The following PRX variants were observed in gnomAD, a reference collection of about 807,000 sequenced individuals.
PRX encodes the protein periaxin.
Under a neutral mutation model 29.6 loss-of-function variants are expected in PRX, and 24 were observed. The observed-to-expected ratio is 0.81, with a 90% CI of 0.59 to 1.14. PRX has a LOEUF of 1.14. Among genes scored for constraint, PRX ranks in the 50% most tolerant of loss-of-function variants. The pLI, the probability that PRX is intolerant of heterozygous loss-of-function variation, is 0.00. For missense variants in PRX, 1,838 were observed against 1,926.4 expected (o/e 0.95, Z 0.86); for synonymous variants, 772 against 831.7 (o/e 0.93, Z 1.24).
chr19:40,414,605 T>C (rs1039594288), upstream of PRX, among the ~76,000 whole-genome samples: 8 of 151,734 alleles, frequency 5.3e-5, no homozygotes, highest in African/African-American at 1.9e-4. Context: ...GGGTCCAGAG[T>C]TGAACCCAGA....
At chr19:40,411,274 A>C (rs2079557470) in intron 1 of PRX, among the ~76,000 whole-genome samples, 1 of 152,138 alleles carries the variant, frequency 6.6e-6, no homozygotes. Context: ...TGGACCGGGC[A>C]GGCGCTTTAC....
chr19:40,399,870 T>TCTTTCTTTC (rs2079477752), intron 5 of PRX, among the ~76,000 whole-genome samples: 1 of 65,830 alleles, frequency 1.5e-5, no homozygotes, highest in South Asian at 4.3e-4. Flanking sequence ...TTTCTTTCTT[T>TCTTTCTTTC]CTTTCTTTCT....
rs560245248 is a variant in PRX at position 40,407,538 on chromosome 19, C to T, written c.27+368G>A. ...CTTGTCTCAAACTCCTAGGCTTTAG[C>T]GATCCTCCTGCCTCGGCCTCCCAAA... is the stretch of plus-strand genomic sequence containing the variant. On this transcript the variant is annotated intron_variant, in intron 4 of 6. Transcript: ENST00000324001. 16 of 378,660 alleles carry T rather than the reference C, an allele frequency of 4.2e-5. No homozygotes were observed. In the East Asian group the frequency reaches 6.4e-4, roughly 15 times the overall value. The allele number at this position is 378,660 out of a possible 1,614,324, so 23.5% of individuals were successfully genotyped here.
intron 4 of PRX, among the ~76,000 whole-genome samples, chr19:40,404,936 CAA>C (rs2079521891): frequency 6.6e-6 from 1 of 152,044 alleles, no homozygotes; most frequent in African/African-American, 2.4e-5. Context: ...TACAGCAGAA[CAA>C]GAGAATAGTT....
chr19:40,404,801 T>C (rs1441814666), intron 4 of PRX, among the ~76,000 whole-genome samples: 1 of 152,078 alleles, frequency 6.6e-6, no homozygotes, highest in Middle Eastern at 3.2e-3. Flanking sequence ...CTCAAACTCC[T>C]GGCCTCAAGA....
Position 40,395,382 on chromosome 19 carries a change from A to G in PRX, c.2970T>C (p.Asp990=), listed in dbSNP as rs1404529824. 6.2e-7 allele frequency: 1 copy of G among 1,613,580 alleles called. No individual in the cohort carries two copies. The highest frequency in any genetic ancestry group is 8.5e-7 in the Non-Finnish European group (1 of 1,180,004). ...AGEAGLLPAL[D]LSIPQLSLDA... Reference sequence around the variant, plus strand: ...CCAGGCTGAGCTGTGGGATGGACAGATCGAGGGCAGGCAGCAGGCCTGCCT... The same window carrying G: ...CCAGGCTGAGCTGTGGGATGGACAGGTCGAGGGCAGGCAGCAGGCCTGCCT... Residue 990 remains aspartate, a synonymous_variant, in exon 7 of 7, where the codon GAT becomes GAC. Transcript: ENST00000324001.
rs2079433906 is a variant in PRX at position 40,396,200 on chromosome 19, T to C, written c.2152A>G (p.Lys718Glu). ...EVQLPKVCEM[K>E]VPDMKLPEIK... The stretch of plus-strand genomic sequence containing the variant: ...TCTGGGAGCTTCATGTCAGGGACTT[T>C]CATTTCACAGACTTTGGGCAGCTGC... The change falls in exon 7 of 7, where the codon AAA (lysine) becomes GAA (glutamate). Residue 718 changes from lysine to glutamate, a missense_variant. Around this residue, in one of 3 missense-constraint regions of PRX, gnomAD observed 1,143 missense variants for 1,193.0 expected, o/e 0.96. Coordinates refer to ENST00000324001, the MANE Select transcript of PRX (RefSeq NM_181882.3). 1 of 1,609,160 alleles carries C rather than the reference T, an allele frequency of 6.2e-7. No homozygotes were observed. Among genetic ancestry groups the C allele is most frequent in the Admixed American group, 1.7e-5 (1 of 59,590 alleles).
At chr19:40,407,469 A>AT (rs955304547) in intron 4 of PRX, 246 of 225,788 alleles carry the variant, frequency 1.1e-3, no homozygotes, top group South Asian at 2.7e-3. Context: ...AACCCGGCTC[A>AT]TTTTTTTTTC....
At position 40,394,680 on chromosome 19, in the gene PRX, G is replaced by A. The variant is rs372995052; in HGVS notation, c.3672C>T (p.Asp1224=). The A allele has an allele frequency of 2.5e-5, 41 of 1,609,670 alleles. No homozygotes were observed. Among genetic ancestry groups the A allele is most frequent in the Middle Eastern group, 1.6e-4 (1 of 6,084 alleles). Residue 1224 remains aspartate, a synonymous_variant, in exon 7 of 7, where the codon GAC becomes GAT. Coordinates refer to ENST00000324001, the MANE Select transcript of PRX (RefSeq NM_181882.3). The surrounding 1 kb of genome is among the most constrained non-coding windows in gnomAD (Gnocchi z 5.8). ...CCTGTGCCTCTCGGCTTAGCCCCAC[G>A]TCCAGCTCAAGCTGGGGCACTGTCA... ...PTVTVPQLEL[D]VGLSREAQAG...
At chr19:40,400,051 T>C (rs554567078) in intron 5 of PRX, among the ~76,000 whole-genome samples, 5 of 150,544 alleles carry the variant, frequency 3.3e-5, no homozygotes, top group East Asian at 2.0e-4. Context: ...GGCGCGATCT[T>C]GGCTCACTGC....
At chr19:40,399,881 T>TTCTTTCTTTC (rs1555801731) in intron 5 of PRX, among the ~76,000 whole-genome samples, 9 of 67,834 alleles carry the variant, frequency 1.3e-4, no homozygotes, top group Admixed American at 1.1e-3. Flanking sequence ...CTTTCTTTCT[T>TTCTTTCTTTC]TCTTTCTTTC....
At chr19:40,412,614 C>T (rs893750659) in intron 1 of PRX, among the ~76,000 whole-genome samples, 17 of 152,172 alleles carry the variant, frequency 1.1e-4, no homozygotes, top group Admixed American at 9.2e-4. Context: ...GGCTGAGAGA[C>T]AAAACCCAGC....
chr19:40,395,409 C>T lies in PRX; in HGVS notation c.2943G>A (p.Gly981=), dbSNP rs142228732. Reference sequence around the variant, plus strand: ...CGAGGGCAGGCAGCAGGCCTGCCTCCCCAGCCCCTTTGGCCTCAGCCTCAG... The same window carrying T: ...CGAGGGCAGGCAGCAGGCCTGCCTCTCCAGCCCCTTTGGCCTCAGCCTCAG... The part of the protein sequence containing the change: ...VGAEAEAKGA[G]EAGLLPALDL... Residue 981 remains glycine, a synonymous_variant, in exon 7 of 7, where the codon GGG becomes GGA. Coordinates refer to ENST00000324001, the MANE Select transcript of PRX (RefSeq NM_181882.3). 36 of 1,614,044 alleles carry T rather than the reference C, an allele frequency of 2.2e-5. No homozygotes were observed. The African/African-American group carries it at 2.7e-4, about 12-fold the overall frequency.
chr19:40,402,936 G>A (rs1329802118), intron 5 of PRX, among the ~76,000 whole-genome samples: 1 of 152,150 alleles, frequency 6.6e-6, no homozygotes, highest in African/African-American at 2.4e-5. Flanking sequence ...TTGGGAGACT[G>A]AGGCGGATGG....
chr19:40,394,499 C>T lies in PRX; in HGVS notation c.3853G>A (p.Gly1285Arg), dbSNP rs374370759. The change falls in exon 7 of 7, where the codon GGG becomes AGG. Residue 1285 changes from glycine to arginine, a missense_variant. Gly to Arg is a moderately radical substitution (Grantham distance 125). This residue lies in a region of PRX where 1,143 missense variants were observed against 1,193.0 expected (regional missense o/e 0.96). Transcript: ENST00000324001. This position sits in a 1 kb window ranked among gnomAD's most constrained non-coding sequence, Gnocchi z 5.8. ...SLPDVELSPS[G>R]GNHAEYQVAE... ...ACCTGGTACTCGGCATGGTTGCCCC[C>T]GGATGGCGAGAGCTCCACGTCGGGC... 2.8e-5 allele frequency: 44 copies of T among 1,599,056 alleles called. No individual in the cohort carries two copies. Among genetic ancestry groups the T allele is most frequent in the Middle Eastern group, 3.3e-4 (2 of 6,062 alleles).
At chr19:40,407,108 A>G (rs1341111103) in intron 4 of PRX, among the ~76,000 whole-genome samples, 2 of 151,774 alleles carry the variant, frequency 1.3e-5, no homozygotes, top group Admixed American at 6.6e-5. Flanking sequence ...ACTGAGGCTG[A>G]AAGAGGTGAG....
intron 5 of PRX, 38 bp downstream of exon 5, chr19:40,403,668 C>T: frequency 6.6e-7 from 1 of 1,525,230 alleles, no homozygotes; most frequent in Non-Finnish European, 8.8e-7. Context: ...ACCCCGCCCC[C>T]GCAGTTCGAC....
At position 40,398,672 on chromosome 19, in the gene PRX, C is replaced by T. The variant is rs1309370142; in HGVS notation, c.329G>A (p.Gly110Glu). The T allele has an allele frequency of 4.3e-6, 7 of 1,613,884 alleles. No individual in the cohort carries two copies. The Admixed American group carries it at 1.2e-4, about 27-fold the overall frequency. The part of the protein sequence containing the change: ...VPTGDLALRP[G>E]TVSGYEIKGP... The stretch of plus-strand genomic sequence containing the variant: ...CTTGATCTCGTAGCCAGACACGGTC[C>T]CGGGCCGCAGAGCCAGGTCCCCGGT... The change falls in exon 6 of 7, where the codon GGG becomes GAG. Residue 110 changes from glycine (G) to glutamate (E), a missense_variant. By Grantham distance (98) the Gly-to-Glu change is moderately conservative (BLOSUM62 -2). Coordinates refer to ENST00000324001, the MANE Select transcript of PRX (RefSeq NM_181882.3). This position sits in a 1 kb window ranked among gnomAD's most constrained non-coding sequence, Gnocchi z 6.3.
At chr19:40,399,856 T>TTTCTTTCTTTCTTTCTTTCC (rs2079476788) in intron 5 of PRX, among the ~76,000 whole-genome samples, 2 of 58,954 alleles carry the variant, frequency 3.4e-5, no homozygotes, top group Non-Finnish European at 3.5e-5. Context: ...CTTTCCTTTC[T>TTTCTTTCTTTCTTTCTTTCC]TTCTTTCTTT....
Sources: gnomAD v4.1 joint callset for allele counts (sites outside exome capture counted in the v4.1 genomes callset) on GRCh38, gnomAD v4.1.1 for gene constraint, gnomAD v4.1.1 regional missense constraint, Gnocchi (gnomAD v3.1) non-coding constraint, MANE v1.5 for transcripts, NCBI Gene and HGNC (gene_info 2026-07-23, HGNC 2026-07-21) for gene names.